PRUNE2: variants seen among roughly 807,000 people sequenced by gnomAD.
PRUNE2 encodes protein prune homolog 2.
A neutral mutation model predicts 252.0 loss-of-function variants in PRUNE2; 164 were observed. That is an observed-to-expected ratio of 0.65 (90% CI 0.57 to 0.74). The LOEUF (loss-of-function observed/expected upper bound fraction) is 0.74, where lower values mean the gene tolerates loss of function less well. PRUNE2 is among the 30% of genes least tolerant of loss of function. The pLI, the probability that PRUNE2 is intolerant of heterozygous loss-of-function variation, is 0.00. For synonymous variants in PRUNE2, 1,292 were observed against 1,350.2 expected (o/e 0.96, Z 0.94); for missense variants, 3,495 against 3,711.0 (o/e 0.94, Z 1.51).
At chr9:76,866,002 G>C (rs2060821243) in intron 1 of PRUNE2, among the ~76,000 whole-genome samples, 1 of 152,112 alleles carries the variant, frequency 6.6e-6, no homozygotes, top group Admixed American at 6.6e-5. Context: ...CTTCTGAGTT[G>C]CTACCACATT....
At chr9:76,730,414 G>A (rs1197027940) in intron 6 of PRUNE2, among the ~76,000 whole-genome samples, 4 of 152,224 alleles carry the variant, frequency 2.6e-5, no homozygotes, top group Non-Finnish European at 5.9e-5. Flanking sequence ...CCACGCATCT[G>A]TAACTTAAAC....
intron 6 of PRUNE2, chr9:76,786,154 T>C (rs2054952190): frequency 1.3e-5 from 2 of 152,192 alleles, no homozygotes; most frequent in South Asian, 2.1e-4. Flanking sequence ...TTAGGAATCA[T>C]TTACCAGGTT....
intron 11 of PRUNE2, among the ~76,000 whole-genome samples, chr9:76,647,598 G>A (rs372727353): frequency 2.0e-3 from 308 of 152,286 alleles, no homozygotes; most frequent in African/African-American, 7.1e-3. Context: ...ACAAGCCACA[G>A]ACTGGGAGAA....
chr9:76,707,635 T>C lies in PRUNE2; in HGVS notation c.4639A>G (p.Ser1547Gly). 1 of 1,613,912 alleles carries C rather than the reference T, an allele frequency of 6.2e-7. No homozygotes were observed. The highest frequency in any genetic ancestry group is 8.5e-7 in the Non-Finnish European group (1 of 1,179,856). The change falls in exon 8 of 19, where the codon AGT (serine) becomes GGT (glycine). Residue 1547 changes from serine to glycine, a missense_variant. Transcript: ENST00000376718. ...ACTGAAGAGTCATTTAACTCAGGACTTGATGCACTTGAATGAGTATACTCA... is the reference window on the plus strand; with the variant it reads ...ACTGAAGAGTCATTTAACTCAGGACCTGATGCACTTGAATGAGTATACTCA... The part of the protein sequence containing the change: ...SSEYTHSSAS[S>G]PELNDSSVAL...
At position 76,703,604 on chromosome 9, in the gene PRUNE2, T is replaced by C. The variant is rs965765529; in HGVS notation, c.8009A>G (p.Glu2670Gly). The change falls in exon 9 of 19, where the codon GAG (glutamate) becomes GGG (glycine). Residue 2670 changes from glutamate (E) to glycine (G), a missense_variant. By Grantham distance (98) the Glu-to-Gly change is moderately conservative. Transcript: ENST00000376718. The stretch of plus-strand genomic sequence containing the variant: ...TTCCAGAATCTGCAGCTGGGGACCC[T>C]CACCCAAGCCGAGTTCAGAGAACGG... Reference protein sequence around the residue: ...VEPFSELGLGEGPQLQILEEM... With the variant: ...VEPFSELGLGGGPQLQILEEM... The C allele has an allele frequency of 6.2e-7, 1 of 1,613,174 alleles. No individual in the cohort carries two copies. Among genetic ancestry groups the C allele is most frequent in the African/African-American group, 1.3e-5 (1 of 75,020 alleles).
intron 6 of PRUNE2, among the ~76,000 whole-genome samples, chr9:76,744,507 C>T: frequency 6.6e-6 from 1 of 152,172 alleles, no homozygotes; most frequent in South Asian, 2.1e-4. Context: ...CCTACCATCC[C>T]TCTAGTATAC....
intron 18 of PRUNE2, among the ~76,000 whole-genome samples, chr9:76,619,038 T>C (rs887183794): frequency 7.2e-5 from 11 of 152,350 alleles, no homozygotes; most frequent in East Asian, 5.8e-4. Flanking sequence ...GAAAGCAGAA[T>C]TGCATTCCTC....
At chr9:76,802,398 T>G (rs546842521) in intron 6 of PRUNE2, among the ~76,000 whole-genome samples, 2 of 152,162 alleles carry the variant, frequency 1.3e-5, no homozygotes, top group Non-Finnish European at 2.9e-5. Flanking sequence ...TCCTTAGACA[T>G]AAGGTAGTCT....
intron 9 of PRUNE2, among the ~76,000 whole-genome samples, chr9:76,697,855 T>C (rs936692988): frequency 3.9e-5 from 6 of 152,302 alleles, no homozygotes; most frequent in African/African-American, 1.4e-4. Flanking sequence ...CCTGTCTATC[T>C]CAAGTGTCAT....
intron 1 of PRUNE2, among the ~76,000 whole-genome samples, chr9:76,867,730 G>A (rs539320362): frequency 3.3e-5 from 5 of 152,110 alleles, no homozygotes; most frequent in African/African-American, 1.2e-4. Flanking sequence ...CACCATGCCC[G>A]GCCAATTTTT....
At chr9:76,664,842 CTA>C (rs1346916597) in intron 9 of PRUNE2, among the ~76,000 whole-genome samples, 1 of 152,198 alleles carries the variant, frequency 6.6e-6, no homozygotes, top group Non-Finnish European at 1.5e-5. Context: ...CAATAGCTAA[CTA>C]ATACATTCCT....
chr9:76,880,983 C>T (rs1462851018), intron 1 of PRUNE2, among the ~76,000 whole-genome samples: 28 of 131,400 alleles, frequency 2.1e-4, no homozygotes, highest in African/African-American at 7.3e-4. Context: ...TTTTTTGAGA[C>T]GGAGTCTCGC....
intron 6 of PRUNE2, among the ~76,000 whole-genome samples, chr9:76,798,865 C>A (rs545624618): frequency 3.9e-5 from 6 of 152,216 alleles, no homozygotes; most frequent in African/African-American, 1.4e-4. Flanking sequence ...TCTTCTGCAT[C>A]CTGGAAATAG....
At position 76,655,427 on chromosome 9, in the gene PRUNE2, C is replaced by T. The variant is rs1288814789; in HGVS notation, c.8352G>A (p.Arg2784=). 1 of 1,609,374 alleles carries T rather than the reference C, an allele frequency of 6.2e-7. No homozygotes were observed. Among genetic ancestry groups the T allele is most frequent in the African/African-American group, 1.3e-5 (1 of 74,948 alleles). Residue 2784 remains arginine (R), a synonymous_variant, in exon 10 of 19, where the codon AGG becomes AGA. Transcript: ENST00000376718. ...ATGAACAAATGCTGCTCTCACCAGG[C>T]CTCATGTCTGCAGCACTGGGACTCA... The part of the protein sequence containing the change: ...GVLSPSAADM[R]PEPPNSLDLN...
chr9:76,805,130 C>T (rs531436095), intron 6 of PRUNE2, among the ~76,000 whole-genome samples: 1 of 152,192 alleles, frequency 6.6e-6, no homozygotes, highest in Non-Finnish European at 1.5e-5. Context: ...ACATAAGAAG[C>T]CTGGGATGAA....
chr9:76,708,348 T>C lies in PRUNE2; in HGVS notation c.3926A>G (p.Tyr1309Cys), dbSNP rs1307952744. The C allele has an allele frequency of 6.2e-7, 1 of 1,613,748 alleles. No homozygotes were observed. Among genetic ancestry groups the C allele is most frequent in the Admixed American group, 1.7e-5 (1 of 59,994 alleles). ...SLATRLENPG[Y>C]FPHPDPWKGH... is the part of the protein sequence containing the mutation. ...TTTCCATGGATCTGGGTGTGGAAAA[T>C]ACCCTGGATTCTCAAGCCTAGTCGC... The change falls in exon 8 of 19, where the codon TAT becomes TGT. Residue 1309 changes from tyrosine (Y) to cysteine (C), a missense_variant. Transcript: ENST00000376718.
At chr9:76,729,360 T>C (rs2135390346) in intron 6 of PRUNE2, among the ~76,000 whole-genome samples, 1 of 152,340 alleles carries the variant, frequency 6.6e-6, no homozygotes, top group Admixed American at 6.5e-5. Context: ...GTGATGCTGA[T>C]GTGGCTGGTC....
chr9:76,637,623 G>T (rs1379269629), intron 13 of PRUNE2, 74 bp from the exon 14 acceptor site: 5 of 1,338,584 alleles, frequency 3.7e-6, no homozygotes, highest in Non-Finnish European at 5.2e-6. Context: ...AACATCAAAA[G>T]TACAGGGTGT....
At chr9:76,842,621 T>A (rs574493156) in intron 4 of PRUNE2, among the ~76,000 whole-genome samples, 33 of 152,212 alleles carry the variant, frequency 2.2e-4, no homozygotes, top group African/African-American at 7.9e-4. Flanking sequence ...TACAAGGAAC[T>A]TAAACAAATT....
Sources: gnomAD v4.1 joint callset for allele counts (sites outside exome capture counted in the v4.1 genomes callset) on GRCh38, gnomAD v4.1.1 for gene constraint, MANE v1.5 for transcripts, NCBI Gene and HGNC (gene_info 2026-07-23, HGNC 2026-07-21) for gene names.